Variants in HEPH observed in about 807,000 individuals in gnomAD.
HEPH encodes hephaestin.
HEPH carries 69 observed loss-of-function variants against 80.8 expected under a neutral mutation model. That is an observed-to-expected ratio of 0.85 (90% CI 0.70 to 1.04). The LOEUF (loss-of-function observed/expected upper bound fraction) is 1.04, where lower values mean the gene tolerates loss of function less well. Ranked by LOEUF, HEPH falls within the 50% of genes least tolerant of loss-of-function variation. The probability of loss-of-function intolerance (pLI) is 0.00; values close to 1 mark genes in which losing one functional copy is unlikely to be tolerated. For synonymous variants in HEPH, 431 were observed against 322.8 expected, an observed-to-expected ratio of 1.34 and a Z score of -3.60; for missense variants, 1,115 against 891.3, an observed-to-expected ratio of 1.25 and a Z score of -3.20.
At chrX:66,266,137 T>TA (rs1249389380) in intron 20 of HEPH, among the ~76,000 whole-genome samples, 13 of 111,322 alleles carry the variant, frequency 1.2e-4, no homozygotes, top group Non-Finnish European at 1.5e-4. Flanking sequence ...TCTTTTTTTT[T>TA]TATATCACAG....
chrX:66,188,302 A>G, intron 4 of HEPH, 57 bp from the exon 5 acceptor site: 3 of 929,228 alleles, frequency 3.2e-6, no homozygotes, highest in Non-Finnish European at 4.4e-6. Flanking sequence ...TACCCCTTTC[A>G]GCTTACTATT....
At chrX:66,243,762 T>C (rs774335126) in intron 15 of HEPH, among the ~76,000 whole-genome samples, 7 of 112,745 alleles carry the variant, frequency 6.2e-5, no homozygotes, top group South Asian at 3.6e-4. Context: ...ATAGTGTCAA[T>C]GGTCTACGTA....
chrX:66,264,715 G>T (rs5919025), intron 20 of HEPH, among the ~76,000 whole-genome samples: 1 of 106,476 alleles, frequency 9.4e-6, no homozygotes, highest in East Asian at 2.9e-4. Flanking sequence ...ATGTCCTGGA[G>T]GGGATGGGGA....
intron 13 of HEPH, among the ~76,000 whole-genome samples, 177 bp from the exon 14 acceptor site, chrX:66,207,018 A>AAAT (rs1304311279): frequency 2.8e-5 from 3 of 108,552 alleles, no homozygotes; most frequent in East Asian, 2.9e-4. Context: ...ACTCCGTCTA[A>AAAT]AATAATAATA....
intron 15 of HEPH, 125 bp from the exon 16 acceptor site, chrX:66,254,910 G>A (rs1299642984): frequency 5.1e-6 from 2 of 389,571 alleles, no homozygotes; most frequent in Non-Finnish European, 8.9e-6. Flanking sequence ...ATAAAATGAT[G>A]GAGGAATGAT....
chrX:66,172,409 G>A lies in HEPH; in HGVS notation c.222G>A (p.Lys74=). The change falls in exon 3 of 21, where the codon AAG becomes AAA. Residue 74 remains lysine (K), a synonymous_variant. Transcript: ENST00000343002. ...SDKNRIGGTY[K]KTIYKEYKDD... is the part of the protein sequence containing the mutation. ...AGAACCGGATAGGGGGAACCTACAA[G>A]AAGACCATCTATAAAGAATACAAGG... 1 of 1,206,746 alleles carries A rather than the reference G, an allele frequency of 8.3e-7. No individual in the cohort carries two copies. The highest frequency in any genetic ancestry group is 1.1e-6 in the Non-Finnish European group (1 of 892,517).
intron 8 of HEPH, among the ~76,000 whole-genome samples, chrX:66,193,994 A>C (rs1602283676): frequency 9.0e-6 from 1 of 111,714 alleles, no homozygotes; most frequent in East Asian, 2.8e-4. Flanking sequence ...CTATATAAGG[A>C]AGTAAGACTG....
At chrX:66,253,894 A>G (rs1159996236) in intron 15 of HEPH, among the ~76,000 whole-genome samples, 2 of 111,579 alleles carry the variant, frequency 1.8e-5, no homozygotes, top group Non-Finnish European at 3.8e-5. Flanking sequence ...GGACAAGTCT[A>G]TAGAGACAGA....
intron 15 of HEPH, among the ~76,000 whole-genome samples, chrX:66,254,817 T>C (rs760499441): frequency 1.1e-5 from 1 of 95,141 alleles, no homozygotes; most frequent in Admixed American, 1.4e-4. Flanking sequence ...TACTAGAGGA[T>C]TGGACCTGGG....
intron 15 of HEPH, among the ~76,000 whole-genome samples, chrX:66,219,030 A>T: frequency 9.0e-6 from 1 of 111,728 alleles, no homozygotes; most frequent in South Asian, 3.8e-4. Context: ...CACTTTGAGA[A>T]TCTCACTCAA....
At chrX:66,181,974 T>A (rs1228561513) in intron 4 of HEPH, among the ~76,000 whole-genome samples, 1 of 110,768 alleles carries the variant, frequency 9.0e-6, no homozygotes, top group Non-Finnish European at 1.9e-5. Context: ...TCCCATTGCT[T>A]GTTTTTCTCA....
At chrX:66,237,138 C>G (rs2090394694) in intron 15 of HEPH, among the ~76,000 whole-genome samples, 1 of 103,677 alleles carries the variant, frequency 9.6e-6, no homozygotes, top group African/African-American at 4.1e-5. Context: ...CAGTTCAGCT[C>G]TGATTTTTTT....
upstream of HEPH, among the ~76,000 whole-genome samples, chrX:66,163,530 G>A (rs1430935557): frequency 1.8e-5 from 2 of 110,827 alleles, no homozygotes; most frequent in East Asian, 2.8e-4. Flanking sequence ...TAGAAATGAC[G>A]GAGGCAAAGT....
intron 15 of HEPH, among the ~76,000 whole-genome samples, chrX:66,238,757 C>T (rs1009748883): frequency 8.9e-6 from 1 of 111,754 alleles, no homozygotes; most frequent in African/African-American, 3.3e-5. Context: ...AGGGGTCTCA[C>T]AGCCTTCAGA....
intron 4 of HEPH, among the ~76,000 whole-genome samples, chrX:66,179,701 G>T (rs909909081): frequency 9.0e-6 from 1 of 111,195 alleles, no homozygotes; most frequent in Non-Finnish European, 1.9e-5. Flanking sequence ...CACTATTATT[G>T]TGTTTCTATC....
intron 5 of HEPH, among the ~76,000 whole-genome samples, chrX:66,188,868 G>C (rs1452820232): frequency 8.9e-6 from 1 of 112,198 alleles, no homozygotes. Context: ...CTTTGCTGTG[G>C]GTTGCCCACT....
intron 4 of HEPH, among the ~76,000 whole-genome samples, chrX:66,179,116 T>G (rs2086966602): frequency 8.9e-6 from 1 of 112,208 alleles, no homozygotes; most frequent in Admixed American, 9.5e-5. Context: ...TTGAATTAAT[T>G]TTTGTATAAG....
intron 15 of HEPH, among the ~76,000 whole-genome samples, chrX:66,241,151 A>G (rs146022260): frequency 1.5e-3 from 170 of 112,303 alleles, no homozygotes; most frequent in African/African-American, 5.3e-3. Flanking sequence ...TCCACGACAA[A>G]CACCAACTTA....
At chrX:66,232,558 C>T (rs1300181669) in intron 15 of HEPH, among the ~76,000 whole-genome samples, 3 of 110,572 alleles carry the variant, frequency 2.7e-5, no homozygotes, top group African/African-American at 9.9e-5. Flanking sequence ...TTAGTATTGT[C>T]AGTTATAAGG....
Sources: gnomAD v4.1 joint callset for allele counts (sites outside exome capture counted in the v4.1 genomes callset) on GRCh38, gnomAD v4.1.1 for gene constraint, MANE v1.5 for transcripts, NCBI Gene and HGNC (gene_info 2026-07-23, HGNC 2026-07-21) for gene names.